The following PSPC1 variants were observed in gnomAD, a reference collection of about 807,000 sequenced individuals.
The protein encoded by PSPC1 is paraspeckle component 1.
In PSPC1, 14 loss-of-function variants were observed where a neutral mutation model predicts 51.6. The observed-to-expected ratio is 0.27, with a 90% CI of 0.18 to 0.42. The LOEUF (loss-of-function observed/expected upper bound fraction) is 0.42. Ranked by LOEUF, PSPC1 falls within the 10% of genes least tolerant of loss-of-function variation. PSPC1 has a pLI of 1.00. For missense variants in PSPC1, 406 were observed against 701.1 expected (o/e 0.58, Z 4.75); for synonymous variants, 193 against 231.9 (o/e 0.83, Z 1.53).
intron 6 of PSPC1, among the ~76,000 whole-genome samples, chr13:19,718,001 T>C (rs1374145621): frequency 1.3e-5 from 2 of 151,714 alleles, no homozygotes; most frequent in Non-Finnish European, 2.9e-5. Flanking sequence ...TATGATTGCG[T>C]CACTGCACTC....
At chr13:19,780,209 G>A (rs9579680) in intron 1 of PSPC1, among the ~76,000 whole-genome samples, 10,449 of 135,498 alleles carry the variant, frequency 0.077, 209 homozygotes, top group Middle Eastern at 0.11. Context: ...CCCCCCGCCC[G>A]GCCAGCCACC....
intron 3 of PSPC1, among the ~76,000 whole-genome samples, chr13:19,758,039 G>A (rs542428552): frequency 6.6e-6 from 1 of 152,296 alleles, no homozygotes; most frequent in African/African-American, 2.4e-5. Flanking sequence ...ACTCGGCTGG[G>A]TGCGGTGGCT....
intron 2 of PSPC1, among the ~76,000 whole-genome samples, chr13:19,772,040 A>T (rs1888673059): frequency 6.6e-6 from 1 of 152,216 alleles, no homozygotes; most frequent in Admixed American, 6.6e-5. Flanking sequence ...CACTGCAGAG[A>T]TTTAAACTCT....
At position 19,728,742 on chromosome 13, in the gene PSPC1, A is replaced by G. The variant is rs530318968; in HGVS notation, c.1158+1497T>C. On this transcript the variant is annotated intron_variant, in intron 6 of 8. Coordinates refer to ENST00000338910, the MANE Select transcript of PSPC1 (RefSeq NM_001354909.2). Reference sequence around the variant, plus strand: ...AATAATGAAAAACTTGTGTAGATTCATATCACTTCTAATCACAAATAAACT... The same window carrying G: ...AATAATGAAAAACTTGTGTAGATTCGTATCACTTCTAATCACAAATAAACT... Among the ~76,000 whole-genome samples, 6 of 151,874 alleles carry G rather than the reference A, an allele frequency of 4.0e-5. No homozygotes were observed. In the South Asian group the frequency reaches 1.3e-3, roughly 32 times the overall value.
At chr13:19,707,779 A>G (rs1410274381) in intron 7 of PSPC1, among the ~76,000 whole-genome samples, 6 of 152,186 alleles carry the variant, frequency 3.9e-5, no homozygotes, top group Non-Finnish European at 1.5e-5. Context: ...GTTTTATACT[A>G]TTTTAAAGTT....
intron 4 of PSPC1, among the ~76,000 whole-genome samples, chr13:19,748,625 G>C (rs1356437224): frequency 2.6e-5 from 4 of 151,932 alleles, no homozygotes; most frequent in Non-Finnish European, 4.4e-5. Flanking sequence ...TCCCATAACT[G>C]ACATTAAAGA....
intron 6 of PSPC1, among the ~76,000 whole-genome samples, chr13:19,691,371 T>C (rs1878522969): frequency 6.6e-6 from 1 of 151,944 alleles, no homozygotes; most frequent in South Asian, 2.1e-4. Flanking sequence ...TCTATAACTT[T>C]TTTTTTAAAA....
At chr13:19,747,340 C>CA (rs1886098231) in intron 4 of PSPC1, among the ~76,000 whole-genome samples, 1 of 151,684 alleles carries the variant, frequency 6.6e-6, no homozygotes, top group Non-Finnish European at 1.5e-5. Flanking sequence ...AGGTAAACAG[C>CA]TTTTTTTTAG....
At chr13:19,717,158 T>C (rs1452427582) in intron 6 of PSPC1, among the ~76,000 whole-genome samples, 5 of 152,206 alleles carry the variant, frequency 3.3e-5, no homozygotes, top group Admixed American at 1.3e-4. Flanking sequence ...GAAATATTCA[T>C]GGGTATTTTT....
intron 1 of PSPC1, among the ~76,000 whole-genome samples, chr13:19,780,392 T>C (rs192800284): frequency 1.1e-4 from 9 of 84,604 alleles, no homozygotes; most frequent in East Asian, 4.1e-4. Context: ...GGGGAAAAGA[T>C]TGAGAAATCG....
chr13:19,759,251 C>T, intron 3 of PSPC1, 72 bp downstream of exon 3: 1 of 1,192,030 alleles, frequency 8.4e-7, no homozygotes, highest in Non-Finnish European at 1.2e-6. Context: ...CCTCATAATC[C>T]AATATTTGAA....
At chr13:19,746,009 G>GTTTTTTTTTTTT (rs1193097882) in intron 4 of PSPC1, among the ~76,000 whole-genome samples, 1 of 104,098 alleles carries the variant, frequency 9.6e-6, no homozygotes, top group African/African-American at 3.4e-5. Context: ...TTTGTTTTTT[G>GTTTTTTTTTTTT]TTTTTTTTTT....
intron 1 of PSPC1, 58 bp from the exon 2 acceptor site, chr13:19,772,601 A>C (rs187503876): frequency 1.1e-5 from 16 of 1,507,728 alleles, no homozygotes; most frequent in Non-Finnish European, 1.4e-5. Context: ...AATTCAAAAC[A>C]GTGTTTGGCT....
intron 7 of PSPC1, among the ~76,000 whole-genome samples, chr13:19,707,160 G>A (rs1880790494): frequency 1.3e-5 from 2 of 151,880 alleles, no homozygotes; most frequent in Admixed American, 1.3e-4. Flanking sequence ...TACAATGGTG[G>A]GTTCGGAAGT....
intron 2 of PSPC1, among the ~76,000 whole-genome samples, chr13:19,769,815 C>A (rs1057343473): frequency 1.3e-5 from 2 of 151,996 alleles, no homozygotes; most frequent in African/African-American, 4.8e-5. Flanking sequence ...TGTGGAGTAA[C>A]TAGAAGTCAC....
intron 2 of PSPC1, among the ~76,000 whole-genome samples, chr13:19,767,130 G>C (rs1317141948): frequency 6.6e-6 from 1 of 151,560 alleles, no homozygotes; most frequent in Non-Finnish European, 1.5e-5. Context: ...CCAACATGGT[G>C]AAACCCCAGC....
chr13:19,722,318 G>A (rs893523683), intron 6 of PSPC1, among the ~76,000 whole-genome samples: 2 of 151,786 alleles, frequency 1.3e-5, no homozygotes, highest in African/African-American at 4.8e-5. Flanking sequence ...GGAACACAGT[G>A]AGACTCCAAC....
chr13:19,694,998 T>G (rs1879036029), intron 6 of PSPC1, among the ~76,000 whole-genome samples: 1 of 152,212 alleles, frequency 6.6e-6, no homozygotes, highest in South Asian at 2.1e-4. Flanking sequence ...TGTTCACACT[T>G]CAAACTGCAA....
chr13:19,697,009 A>C (rs1417408146), intron 6 of PSPC1, among the ~76,000 whole-genome samples: 1 of 152,208 alleles, frequency 6.6e-6, no homozygotes, highest in East Asian at 1.9e-4. Flanking sequence ...AGTGCTTATC[A>C]ACTGGCAATA....
Sources: gnomAD v4.1 joint callset for allele counts (sites outside exome capture counted in the v4.1 genomes callset) on GRCh38, gnomAD v4.1.1 for gene constraint, MANE v1.5 for transcripts, NCBI Gene and HGNC (gene_info 2026-07-23, HGNC 2026-07-21) for gene names.